Variants in FOXP1 observed in about 807,000 individuals in gnomAD.
FOXP1 encodes the protein forkhead box P1, also known as forkhead box protein P1.
A neutral mutation model predicts 98.2 loss-of-function variants in FOXP1; 15 were observed. The observed-to-expected ratio is 0.15, with a 90% confidence interval of 0.10 to 0.24. The LOEUF (loss-of-function observed/expected upper bound fraction) is 0.24. Ranked by LOEUF, FOXP1 falls within the 10% of genes least tolerant of loss-of-function variation. The probability of loss-of-function intolerance (pLI) is 1.00; values close to 1 mark genes in which losing one functional copy is unlikely to be tolerated. For missense variants in FOXP1, 633 were observed against 848.5 expected (o/e 0.75, Z 3.15); for synonymous variants, 371 against 314.5 (o/e 1.18, Z -1.90).
intron 5 of FOXP1, among the ~76,000 whole-genome samples, chr3:71,221,801 C>A (rs893815601): frequency 1.3e-5 from 2 of 152,196 alleles, no homozygotes; most frequent in Admixed American, 6.5e-5. Context: ...TACAACTCTG[C>A]GTTGCAGACT....
At chr3:71,405,738 A>AT (rs1183542150) in intron 3 of FOXP1, among the ~76,000 whole-genome samples, 1 of 150,966 alleles carries the variant, frequency 6.6e-6, no homozygotes, top group East Asian at 1.9e-4. Flanking sequence ...TTATTTATTT[A>AT]TTTTTTTGAG....
chr3:70,977,256 C>T (rs374579107), intron 16 of FOXP1, among the ~76,000 whole-genome samples: 7 of 152,066 alleles, frequency 4.6e-5, no homozygotes, highest in South Asian at 4.2e-4. Context: ...TTTCTGTTTC[C>T]GTACAGAAAT....
rs533461159 is a variant in FOXP1, at chr3:70,955,717, A to T, written c.*3530T>A. 1.3e-5 allele frequency: 3 copies of T among 231,652 alleles called. No homozygotes were observed. Among genetic ancestry groups the T allele is most frequent in the African/African-American group, 6.7e-5 (3 of 44,914 alleles). The allele number at this position is 231,652 out of a possible 1,614,324, so 14.3% of individuals were successfully genotyped here. A position where few individuals can be genotyped will look rare whatever the true frequency, so the allele number is the denominator to read the frequency against. On this transcript the variant is annotated 3_prime_UTR_variant, in exon 21 of 21. Coordinates refer to ENST00000649528, the MANE Select transcript of FOXP1 (RefSeq NM_001349338.3). ...CAGGAGAAAACATTTTTTAAACAAC[A>T]TTTTTTTTTCTTTTCAAATGTATGA... is the stretch of plus-strand genomic sequence containing the variant.
In FOXP1 at chr3:71,129,075, A is replaced by T. The variant is rs2059405051; in HGVS notation, c.181-16438T>A. On this transcript the variant is annotated intron_variant, in intron 6 of 20. Transcript: ENST00000649528. ...TAAATAATCAAACATGCCATCCAGA[A>T]AAAACAAAACGAGCGAGCTGGGAAA... 2.6e-5 allele frequency among the ~76,000 whole-genome samples: 4 copies of T among 152,186 alleles called. No individual in the cohort carries two copies. In the South Asian group the frequency reaches 8.3e-4, roughly 32 times the overall value.
intron 7 of FOXP1, among the ~76,000 whole-genome samples, chr3:71,064,457 AAG>A (rs900905237): frequency 4.6e-5 from 7 of 152,042 alleles, no homozygotes; most frequent in South Asian, 4.1e-4. Flanking sequence ...GCAAACGAAA[AAG>A]AGAGAGAGAG....
chr3:71,045,368 A>G (rs2048879358), intron 10 of FOXP1, among the ~76,000 whole-genome samples: 1 of 152,186 alleles, frequency 6.6e-6, no homozygotes, highest in South Asian at 2.1e-4. Flanking sequence ...TCTTTTGGAC[A>G]GCTTAACTGA....
At position 71,041,534 on chromosome 3, in the gene FOXP1, T is replaced by C. The variant is rs748852102; in HGVS notation, c.665-2A>G. The C allele has an allele frequency of 4.3e-6, 7 of 1,613,502 alleles. No homozygotes were observed. The highest frequency in any genetic ancestry group is 1.7e-5 in the Admixed American group (1 of 59,954). On this transcript the variant is annotated splice_acceptor_variant, in intron 10 of 20. Coordinates refer to ENST00000649528, the MANE Select transcript of FOXP1 (RefSeq NM_001349338.3). LOFTEE classifies it high-confidence loss of function. ...GCTGCAGTTCTGTTGGAATCATGCC[T>C]GAAACAAACAAATTGGATAATTAAA...
chr3:71,583,185 A>T (rs2048326059), intron 1 of FOXP1, among the ~76,000 whole-genome samples: 2 of 152,006 alleles, frequency 1.3e-5, no homozygotes, highest in Non-Finnish European at 2.9e-5. Context: ...GAGAGCGCAG[A>T]GAGAGGCGTG....
At position 70,957,548 on chromosome 3, in the gene FOXP1, ATAAAT is replaced by A. The variant is rs2032118896; in HGVS notation, c.*1694_*1698del. ...TAGAAAAAAGGTACAAAGAAAGAATATAAATTAAGCTTCGAAAGGCTCTCGAACTA... is the reference window on the plus strand; with the variant it reads ...TAGAAAAAAGGTACAAAGAAAGAATATAAGCTTCGAAAGGCTCTCGAACTA... On this transcript the variant is annotated 3_prime_UTR_variant, in exon 21 of 21. Transcript: ENST00000649528. The A allele has an allele frequency of 4.3e-6, 1 of 231,992 alleles. No homozygotes were observed. The highest frequency in any genetic ancestry group is 1.8e-4 in the South Asian group (1 of 5,520). The allele number at this position is 231,992 out of a possible 1,614,324, so 14.4% of individuals were successfully genotyped here.
rs59183519 is a variant in FOXP1 at position 71,391,540 on chromosome 3, C to T, written c.-167-32296G>A. On this transcript the variant is annotated intron_variant, in intron 3 of 20. Coordinates refer to ENST00000649528, the MANE Select transcript of FOXP1 (RefSeq NM_001349338.3). The stretch of plus-strand genomic sequence containing the variant: ...GCCACAGACACACACTTCGGTCTTT[C>T]GCTTGTGCGGGCCTCAATTCTCCAA... Among the ~76,000 whole-genome samples, 1,326 of 152,300 alleles carry T rather than the reference C, an allele frequency of 8.7e-3. 25 individuals are homozygous for T. Among genetic ancestry groups the T allele is most frequent in the African/African-American group, 0.031 (1,279 of 41,558 alleles).
chr3:71,000,418 T>C (rs2041964540), intron 13 of FOXP1, among the ~76,000 whole-genome samples: 1 of 152,004 alleles, frequency 6.6e-6, no homozygotes, highest in South Asian at 2.1e-4. Flanking sequence ...AAAAGGACAA[T>C]GCAAAATGAG....
Position 70,955,828 on chromosome 3 carries a change from G to GCGCACACACGCA in FOXP1, c.*3418_*3419insTGCGTGTGTGCG, listed in dbSNP as rs1559546908. ...AAAAAACAGATTAACACACACGCAC[G>GCGCACACACGCA]CGCGCACACACACACACACACACAC... On this transcript the variant is annotated 3_prime_UTR_variant, in exon 21 of 21. Coordinates refer to ENST00000649528, the MANE Select transcript of FOXP1 (RefSeq NM_001349338.3). 9 of 207,440 alleles carry GCGCACACACGCA rather than the reference G, an allele frequency of 4.3e-5. No individual in the cohort carries two copies. In the East Asian group the frequency reaches 6.5e-4, roughly 15 times the overall value. 12.8% of individuals were successfully genotyped at this position (207,440 alleles called of 1,614,324 possible). A position where few individuals can be genotyped will look rare whatever the true frequency, so the allele number is the denominator to read the frequency against.
chr3:70,970,767 G>T lies in FOXP1; in HGVS notation c.1691C>A (p.Ala564Asp), dbSNP rs773232331. 6.2e-7 allele frequency: 1 copy of T among 1,614,012 alleles called. No homozygotes were observed. Among genetic ancestry groups the T allele is most frequent in the South Asian group, 1.1e-5 (1 of 91,078 alleles). ...SLIKNMQSSH[A>D]YCTPLNAALQ... ...AGCTGCATTGAGAGGTGTGCAGTAG[G>T]CGTGGCTGCTCTGCATGTTTTTAAT... The change falls in exon 19 of 21, where the codon GCC (alanine) becomes GAC (aspartate). Residue 564 changes from alanine to aspartate, a missense_variant. Ala to Asp is a moderately radical substitution (Grantham distance 126, BLOSUM62 -2). Around this residue, in one of 6 missense-constraint regions of FOXP1, gnomAD observed 150 missense variants for 163.7 expected, o/e 0.92. Coordinates refer to ENST00000649528, the MANE Select transcript of FOXP1 (RefSeq NM_001349338.3).
chr3:71,529,831 G>A (rs1383056891), intron 2 of FOXP1, among the ~76,000 whole-genome samples: 2 of 152,136 alleles, frequency 1.3e-5, no homozygotes, highest in Admixed American at 1.3e-4. Flanking sequence ...CAGTATCCTT[G>A]ATGTAATACC....
At chr3:71,029,985 T>A (rs1025009715) in intron 11 of FOXP1, among the ~76,000 whole-genome samples, 1 of 152,170 alleles carries the variant, frequency 6.6e-6, no homozygotes, top group Non-Finnish European at 1.5e-5. Context: ...CTAAAACATA[T>A]ATTAACTCAT....
intron 2 of FOXP1, among the ~76,000 whole-genome samples, chr3:71,530,524 T>C (rs1456249877): frequency 6.6e-6 from 1 of 152,170 alleles, no homozygotes; most frequent in Non-Finnish European, 1.5e-5. Flanking sequence ...CCCCTACACA[T>C]TGTGGTGACC....
intron 2 of FOXP1, among the ~76,000 whole-genome samples, chr3:71,527,010 C>A (rs574587674): frequency 2.9e-4 from 44 of 151,944 alleles, no homozygotes; most frequent in Non-Finnish European, 5.0e-4. Flanking sequence ...GGGAGGTAGC[C>A]CTACATGGCT....
At chr3:71,009,293 T>C (rs1315217354) in intron 12 of FOXP1, among the ~76,000 whole-genome samples, 1 of 151,738 alleles carries the variant, frequency 6.6e-6, no homozygotes, top group Non-Finnish European at 1.5e-5. Flanking sequence ...TAAAAATATG[T>C]TGGTGACACC....
chr3:71,114,425 C>T (rs1016725558), intron 6 of FOXP1, among the ~76,000 whole-genome samples: 1 of 152,214 alleles, frequency 6.6e-6, no homozygotes, highest in Non-Finnish European at 1.5e-5. Flanking sequence ...AGGACACGCT[C>T]ACTGAACTGT....
Sources: gnomAD v4.1 joint callset for allele counts (sites outside exome capture counted in the v4.1 genomes callset) on GRCh38, gnomAD v4.1.1 for gene constraint, gnomAD v4.1.1 regional missense constraint, MANE v1.5 for transcripts, NCBI Gene and HGNC (gene_info 2026-07-23, HGNC 2026-07-21) for gene names.